The following GPC5 variants were observed in gnomAD, a reference collection of about 807,000 sequenced individuals.
GPC5 encodes the protein glypican-5.
GPC5 carries 47 observed loss-of-function variants against 53.9 expected under a neutral mutation model. The observed-to-expected ratio is 0.87, with a 90% CI of 0.69 to 1.11. The LOEUF (loss-of-function observed/expected upper bound fraction) is 1.11, where lower values mean the gene tolerates loss of function less well. Ranked by LOEUF, GPC5 falls within the 50% of genes most tolerant of loss-of-function variation. The pLI is 0.00. For missense variants in GPC5, 748 were observed against 713.1 expected (o/e 1.05, Z -0.56); for synonymous variants, 286 against 263.3 (o/e 1.09, Z -0.84).
chr13:92,479,141 C>T (rs1356037410), intron 7 of GPC5, among the ~76,000 whole-genome samples: 1 of 152,004 alleles, frequency 6.6e-6, no homozygotes, highest in East Asian at 1.9e-4. Flanking sequence ...ATTGAAAGTC[C>T]TATTTATAGA....
intron 7 of GPC5, among the ~76,000 whole-genome samples, chr13:92,209,903 G>A (rs1034767279): frequency 2.0e-5 from 3 of 152,126 alleles, no homozygotes; most frequent in African/African-American, 7.2e-5. Context: ...GCCAGTCTGA[G>A]TCCCAAAGAT....
intron 7 of GPC5, among the ~76,000 whole-genome samples, chr13:92,373,330 C>T (rs2043666480): frequency 6.6e-6 from 1 of 152,178 alleles, no homozygotes; most frequent in African/African-American, 2.4e-5. Flanking sequence ...TTTTACTATT[C>T]TGTTGCAGAT....
At chr13:91,441,198 G>A (rs73614248) in intron 1 of GPC5, among the ~76,000 whole-genome samples, 11,768 of 152,146 alleles carry the variant, frequency 0.077, 1,465 homozygotes, top group African/African-American at 0.27. Context: ...CAGAGTTAAT[G>A]GTTTCTATCT....
chr13:92,087,942 T>C (rs1231997678), intron 6 of GPC5, among the ~76,000 whole-genome samples: 1 of 152,074 alleles, frequency 6.6e-6, no homozygotes, highest in African/African-American at 2.4e-5. Context: ...ACTACTTTTT[T>C]TTTTTTTAAA....
At chr13:91,938,171 C>G (rs2039888769) in intron 6 of GPC5, among the ~76,000 whole-genome samples, 1 of 151,982 alleles carries the variant, frequency 6.6e-6, no homozygotes, top group Non-Finnish European at 1.5e-5. Context: ...GGTTTATGGT[C>G]TCATGGTTCT....
At chr13:91,490,234 G>T (rs765117750) in intron 2 of GPC5, among the ~76,000 whole-genome samples, 2 of 152,088 alleles carry the variant, frequency 1.3e-5, no homozygotes, top group Non-Finnish European at 2.9e-5. Context: ...GAATTAAATC[G>T]GTGAATTTGA....
At chr13:91,924,551 C>T (rs2039748115) in intron 6 of GPC5, among the ~76,000 whole-genome samples, 1 of 151,676 alleles carries the variant, frequency 6.6e-6, no homozygotes, top group Admixed American at 6.6e-5. Context: ...ATGGTGAAAA[C>T]CCATCTCTAC....
At chr13:91,828,190 T>C (rs2038603418) in intron 5 of GPC5, among the ~76,000 whole-genome samples, 1 of 152,198 alleles carries the variant, frequency 6.6e-6, no homozygotes, top group East Asian at 1.9e-4. Context: ...TACTTTAATG[T>C]TTCTTATCTT....
chr13:92,696,659 C>G (rs1448115065), intron 7 of GPC5, among the ~76,000 whole-genome samples: 1 of 152,134 alleles, frequency 6.6e-6, no homozygotes, highest in East Asian at 1.9e-4. Flanking sequence ...CCTGTTCATT[C>G]TGATGAAAGT....
At chr13:92,715,342 T>C (rs1888293105) in intron 7 of GPC5, among the ~76,000 whole-genome samples, 1 of 152,220 alleles carries the variant, frequency 6.6e-6, no homozygotes, top group East Asian at 1.9e-4. Context: ...TCTTAATAAC[T>C]AATTCCACAA....
At chr13:92,463,741 T>A (rs996008065) in intron 7 of GPC5, among the ~76,000 whole-genome samples, 19 of 152,206 alleles carry the variant, frequency 1.2e-4, no homozygotes, top group African/African-American at 4.6e-4. Context: ...TCTTTCCAGA[T>A]AATACTCCAC....
intron 7 of GPC5, among the ~76,000 whole-genome samples, chr13:92,671,992 C>T (rs1201407609): frequency 1.3e-5 from 2 of 152,106 alleles, no homozygotes; most frequent in African/African-American, 4.8e-5. Flanking sequence ...GAATATAGTG[C>T]AGGGCCATTG....
intron 7 of GPC5, among the ~76,000 whole-genome samples, chr13:92,282,440 A>C (rs373488973): frequency 2.6e-5 from 4 of 152,186 alleles, no homozygotes; most frequent in Admixed American, 6.5e-5. Context: ...CAAGACACAT[A>C]ATTGTCAGAT....
chr13:92,263,875 T>C (rs755081259), intron 7 of GPC5, among the ~76,000 whole-genome samples: 2 of 152,104 alleles, frequency 1.3e-5, no homozygotes, highest in Non-Finnish European at 2.9e-5. Context: ...AAATCATTCA[T>C]TGGTGGGAGC....
At chr13:92,385,453 CATATATACACATATAT>C (rs1241367955) in intron 7 of GPC5, among the ~76,000 whole-genome samples, 12 of 119,404 alleles carry the variant, frequency 1.0e-4, no homozygotes, top group South Asian at 5.4e-4. Flanking sequence ...TACATATATA[CATATATACACATATAT>C]ACATATATAC....
intron 2 of GPC5, among the ~76,000 whole-genome samples, chr13:91,669,038 T>A (rs756948657): frequency 2.8e-4 from 43 of 152,092 alleles, no homozygotes; most frequent in African/African-American, 9.4e-4. Context: ...ATAAAAAAAA[T>A]ATTGTGCAAT....
intron 2 of GPC5, among the ~76,000 whole-genome samples, chr13:91,642,803 A>C (rs2139500052): frequency 6.6e-6 from 1 of 152,196 alleles, no homozygotes; most frequent in South Asian, 2.1e-4. Flanking sequence ...ATTGGAGAGA[A>C]AAGCCTGGAG....
intron 7 of GPC5, among the ~76,000 whole-genome samples, chr13:92,656,947 GT>G (rs1245848163): frequency 6.6e-6 from 1 of 152,150 alleles, no homozygotes; most frequent in Non-Finnish European, 1.5e-5. Context: ...TCCAGCCTGG[GT>G]GACAGAGACC....
chr13:91,920,924 C>CTTTTTTTTTT (rs1447586700), intron 6 of GPC5, among the ~76,000 whole-genome samples: 2 of 59,584 alleles, frequency 3.4e-5, no homozygotes, highest in African/African-American at 1.4e-4. Context: ...CTCTCTCTCT[C>CTTTTTTTTTT]TCTTTTTTTT....
Sources: gnomAD v4.1 joint callset for allele counts (sites outside exome capture counted in the v4.1 genomes callset) on GRCh38, gnomAD v4.1.1 for gene constraint, MANE v1.5 for transcripts, NCBI Gene and HGNC (gene_info 2026-07-23, HGNC 2026-07-21) for gene names.